The following VASH2 variants were observed in gnomAD, a reference collection of about 807,000 sequenced individuals.
VASH2 encodes vasohibin 2, also known as tubulinyl-Tyr carboxypeptidase 2.
VASH2 carries 28 observed loss-of-function variants against 37.2 expected under a neutral mutation model. That is an observed-to-expected ratio of 0.75 (90% CI 0.56 to 1.03). The LOEUF is 1.03. Ranked by LOEUF, VASH2 falls within the 50% of genes least tolerant of loss-of-function variation. VASH2 has a pLI of 0.00. For missense variants in VASH2, 419 were observed against 459.1 expected (o/e 0.91, Z 0.80); for synonymous variants, 188 against 174.7 (o/e 1.08, Z -0.60).
chr1:212,963,716 A>C (rs1407202131), intron 3 of VASH2, among the ~76,000 whole-genome samples: 1 of 152,032 alleles, frequency 6.6e-6, no homozygotes, highest in Admixed American at 6.6e-5. Context: ...GCCCACTTTC[A>C]GGGACTCAAT....
intron 3 of VASH2, 88 bp from the exon 4 acceptor site, chr1:212,965,634 T>C: frequency 7.9e-7 from 1 of 1,259,622 alleles, no homozygotes; most frequent in East Asian, 2.5e-5. Flanking sequence ...CCTCATCTCA[T>C]TGAGAAATCA....
At chr1:212,982,484 C>T (rs1021638218) in intron 7 of VASH2, among the ~76,000 whole-genome samples, 3 of 152,060 alleles carry the variant, frequency 2.0e-5, no homozygotes, top group Non-Finnish European at 2.9e-5. Context: ...TCCTAGTGCT[C>T]GTGTTTCTTA....
chr1:212,970,815 G>A (rs907273800), intron 5 of VASH2, among the ~76,000 whole-genome samples: 2 of 151,940 alleles, frequency 1.3e-5, no homozygotes, highest in African/African-American at 4.8e-5. Flanking sequence ...GCTTGAACTT[G>A]GGAGGCAGAG....
At chr1:212,973,888 TAGA>T (rs1460828570) in intron 6 of VASH2, 64 bp from the exon 7 acceptor site, 12 of 1,559,156 alleles carry the variant, frequency 7.7e-6, no homozygotes, top group South Asian at 2.4e-5. Context: ...AATGTGGTGC[TAGA>T]AGAAGACCTG....
Position 212,988,752 on chromosome 1 carries a change from T to C in VASH2, c.*168T>C, listed in dbSNP as rs971259177. The C allele has an allele frequency of 1.4e-5, 10 of 738,124 alleles. No homozygotes were observed. The African/African-American group carries it at 1.4e-4, about 10-fold the overall frequency. The allele number at this position is 738,124 out of a possible 1,614,324, so 45.7% of individuals were successfully genotyped here. ...GGTGGTAACCATTAGCTTTAAAAAA[T>C]TCACTAAAAGGCACCATGAAAAGGC... On this transcript the variant is annotated 3_prime_UTR_variant, in exon 8 of 8. Transcript: ENST00000517399.
intron 3 of VASH2, chr1:212,961,471 TTCTGCTTC>T: frequency 1.1e-6 from 1 of 950,498 alleles, no homozygotes; most frequent in Non-Finnish European, 1.5e-6. Context: ...CCTTGAGCCC[TTCTGCTTC>T]TCTTTCTCCC....
chr1:212,950,770 C>G lies in VASH2; in HGVS notation c.-205+30C>G, dbSNP rs950577219. ...GATCTTGGAGCTGCCGCGCGCCCTT[C>G]CTGCGCGCCGCCCGCCTGCAGCCAG... On this transcript the variant is annotated intron_variant, in intron 1 of 7. Transcript: ENST00000517399. This position sits in a 1 kb window ranked among gnomAD's most constrained non-coding sequence, Gnocchi z 5.5. 1.3e-5 allele frequency: 2 copies of G among 153,456 alleles called. No individual in the cohort carries two copies. Among genetic ancestry groups the G allele is most frequent in the Non-Finnish European group, 2.9e-5 (2 of 68,400 alleles). The allele number at this position is 153,456 out of a possible 1,614,324, so 9.5% of individuals were successfully genotyped here. A position where few individuals can be genotyped will look rare whatever the true frequency, so the allele number is the denominator to read the frequency against.
At chr1:212,963,775 T>A (rs73084268) in intron 3 of VASH2, among the ~76,000 whole-genome samples, 15,515 of 152,094 alleles carry the variant, frequency 0.1, 1,598 homozygotes, top group African/African-American at 0.26. Flanking sequence ...ACTTTTTTTT[T>A]TTATTTTACT....
chr1:212,962,894 C>T (rs1666719796), intron 3 of VASH2, among the ~76,000 whole-genome samples: 1 of 152,190 alleles, frequency 6.6e-6, no homozygotes, highest in South Asian at 2.1e-4. Flanking sequence ...GACCTGGACC[C>T]CAAGAGCTGG....
intron 5 of VASH2, among the ~76,000 whole-genome samples, chr1:212,970,966 TCCCC>T (rs1387225436): frequency 4.0e-5 from 6 of 151,272 alleles, no homozygotes; most frequent in Non-Finnish European, 8.8e-5. Context: ...ACTCCCCATT[TCCCC>T]CCTCCAGCCC....
chr1:212,961,360 G>A (rs1483838580), intron 3 of VASH2, 106 bp downstream of exon 3: 6 of 1,584,756 alleles, frequency 3.8e-6, no homozygotes, highest in Non-Finnish European at 5.1e-6. Context: ...AGCTCTCTAA[G>A]GTTGGTGAGG....
intron 7 of VASH2, 128 bp from the exon 8 acceptor site, chr1:212,988,384 T>A (rs2075818595): frequency 3.4e-6 from 3 of 886,678 alleles, no homozygotes; most frequent in African/African-American, 3.3e-5. Flanking sequence ...GCTGGCAGGG[T>A]GGGGGAATGG....
chr1:212,973,671 G>A (rs1273922195), intron 6 of VASH2: 4 of 1,255,952 alleles, frequency 3.2e-6, no homozygotes, highest in South Asian at 3.0e-5. Flanking sequence ...CAGCCCCGGG[G>A]AGACTGAGGC....
rs376941663 is a variant in VASH2, at chr1:212,988,546, A to G, written c.1030A>G (p.Ser344Gly). 6.2e-7 allele frequency: 1 copy of G among 1,614,168 alleles called. No homozygotes were observed. Among genetic ancestry groups the G allele is most frequent in the Non-Finnish European group, 8.5e-7 (1 of 1,180,012 alleles). ...ALPEKKVADL[S>G]TLNEVGYQIR... is the part of the protein sequence containing the mutation. ...GCCTGAAAAGAAGGTGGCTGATCTG[A>G]GCACTCTGAATGAAGTGGGCTATCA... is the stretch of plus-strand genomic sequence containing the variant. Residue 344 changes from serine (S) to glycine (G), a missense_variant, in exon 8 of 8, where the codon AGC (serine) becomes GGC (glycine). Physicochemically the swap from Ser to Gly is moderately conservative, Grantham distance 56. Transcript: ENST00000517399.
At position 212,989,298 on chromosome 1, in the gene VASH2, G is replaced by T. The variant is rs1241367530; in HGVS notation, c.*714G>T. On this transcript the variant is annotated 3_prime_UTR_variant, in exon 8 of 8. Coordinates refer to ENST00000517399, the MANE Select transcript of VASH2 (RefSeq NM_001301056.2). ...TCTTAAAGCATTCACTGATGTTTTT[G>T]TTTTTTCAAAATGAAACAAAAATAT... is the stretch of plus-strand genomic sequence containing the variant. The T allele has an allele frequency of 6.6e-6, 1 of 152,242 alleles. No homozygotes were observed. The allele number at this position is 152,242 out of a possible 1,614,324, so 9.4% of individuals were successfully genotyped here. A position where few individuals can be genotyped will look rare whatever the true frequency, so the allele number is the denominator to read the frequency against.
rs776863243 is a variant in VASH2, at chr1:212,972,842, C to T, written c.760C>T (p.His254Tyr). The T allele has an allele frequency of 6.2e-7, 1 of 1,614,180 alleles. No individual in the cohort carries two copies. Among genetic ancestry groups the T allele is most frequent in the Admixed American group, 1.7e-5 (1 of 59,984 alleles). ...GGTCAAGATTGGGCTGTACGTCCCC[C>T]ATGAGCCTCATAGCTTCCAGCCCAT... ...KKVKIGLYVP[H>Y]EPHSFQPIEW... Residue 254 changes from histidine to tyrosine, a missense_variant, in exon 6 of 8, where the codon CAT (histidine) becomes TAT (tyrosine). Physicochemically the swap from His to Tyr is moderately conservative, Grantham distance 83. Transcript: ENST00000517399.
At position 212,988,635 on chromosome 1, in the gene VASH2, T is replaced by G. The variant is rs754479071; in HGVS notation, c.*51T>G. The stretch of plus-strand genomic sequence containing the variant: ...GTTTCTGTGGTGCTTCTCTCTGCAC[T>G]TTACCCAGCATCTTCAGGAGGAACT... On this transcript the variant is annotated 3_prime_UTR_variant, in exon 8 of 8. Coordinates refer to ENST00000517399, the MANE Select transcript of VASH2 (RefSeq NM_001301056.2). The G allele has an allele frequency of 2.3e-5, 36 of 1,573,634 alleles. No individual in the cohort carries two copies. Among genetic ancestry groups the G allele is most frequent in the Non-Finnish European group, 3.0e-5 (34 of 1,143,858 alleles).
chr1:212,979,140 A>C (rs555395749), intron 7 of VASH2, among the ~76,000 whole-genome samples: 1 of 152,354 alleles, frequency 6.6e-6, no homozygotes, highest in African/African-American at 2.4e-5. Flanking sequence ...AGCTCCCGCC[A>C]TTCTGCCACA....
chr1:212,968,742 G>T, intron 5 of VASH2: 1 of 985,476 alleles, frequency 1.0e-6, no homozygotes, highest in East Asian at 1.1e-4. Context: ...CAGCTGTTCA[G>T]CGAAGCCTCC....
Sources: gnomAD v4.1 joint callset for allele counts (sites outside exome capture counted in the v4.1 genomes callset) on GRCh38, gnomAD v4.1.1 for gene constraint, Gnocchi (gnomAD v3.1) non-coding constraint, MANE v1.5 for transcripts, NCBI Gene and HGNC (gene_info 2026-07-23, HGNC 2026-07-21) for gene names.